GCNT2: variants seen among roughly 807,000 people sequenced by gnomAD.
GCNT2 encodes the protein N-acetyllactosaminide beta-1,6-N-acetylglucosaminyl-transferase.
A neutral mutation model predicts 34.2 loss-of-function variants in GCNT2; 34 were observed. That is an observed-to-expected ratio of 1.00 (90% CI 0.76 to 1.32). GCNT2 has a LOEUF of 1.32. Among genes scored for constraint, GCNT2 ranks in the 40% most tolerant of loss-of-function variants. GCNT2 has a pLI of 0.00. For missense variants in GCNT2, 584 were observed against 489.4 expected, an observed-to-expected ratio of 1.19 and a Z score of -1.82; for synonymous variants, 212 against 188.0, an observed-to-expected ratio of 1.13 and a Z score of -1.04.
At chr6:10,568,237 C>T (rs1014260961) in intron 3 of GCNT2, among the ~76,000 whole-genome samples, 2 of 151,998 alleles carry the variant, frequency 1.3e-5, no homozygotes, top group South Asian at 2.1e-4. Flanking sequence ...TATCTCTTCT[C>T]GAAGCTTCCA....
At chr6:10,621,572 A>C in intron 4 of GCNT2, 129 bp downstream of exon 4, 2 of 708,380 alleles carry the variant, frequency 2.8e-6, no homozygotes, top group South Asian at 3.0e-5. Context: ...GTTATTGGAG[A>C]AGCCAGAGGC....
intron 3 of GCNT2, among the ~76,000 whole-genome samples, chr6:10,583,328 G>A (rs1764203992): frequency 6.6e-6 from 1 of 152,114 alleles, no homozygotes; most frequent in Admixed American, 6.6e-5. Flanking sequence ...TGAATCAAAT[G>A]TTTTCCTAAC....
intron 3 of GCNT2, among the ~76,000 whole-genome samples, chr6:10,543,935 G>A (rs1561789019): frequency 6.6e-6 from 1 of 152,240 alleles, no homozygotes; most frequent in East Asian, 1.9e-4. Flanking sequence ...ATTGAATTAA[G>A]GACACACTAT....
intron 3 of GCNT2, chr6:10,581,751 G>A: frequency 1.0e-6 from 1 of 985,218 alleles, no homozygotes; most frequent in Non-Finnish European, 1.2e-6. Flanking sequence ...AAAACCGACT[G>A]AACCTGCAAT....
chr6:10,597,729 T>C (rs1429889361), intron 3 of GCNT2, among the ~76,000 whole-genome samples: 2 of 152,132 alleles, frequency 1.3e-5, no homozygotes, highest in Non-Finnish European at 2.9e-5. Context: ...CCCAGAGTGC[T>C]GGGATTATAG....
At chr6:10,561,399 C>T (rs112269135) in intron 3 of GCNT2, among the ~76,000 whole-genome samples, 1,946 of 152,286 alleles carry the variant, frequency 0.013, 45 homozygotes, top group African/African-American at 0.044. Context: ...CGACCTCAGC[C>T]GATATGCCCA....
intron 3 of GCNT2, among the ~76,000 whole-genome samples, chr6:10,576,033 C>A (rs1454419662): frequency 6.6e-6 from 1 of 152,198 alleles, no homozygotes; most frequent in East Asian, 1.9e-4. Flanking sequence ...GTTTGGTGGT[C>A]TCTTCACACG....
intron 3 of GCNT2, among the ~76,000 whole-genome samples, chr6:10,571,890 C>T (rs75915899): frequency 0.026 from 3,834 of 150,018 alleles, 177 homozygotes; most frequent in African/African-American, 0.092. Context: ...ATGATTTGCA[C>T]GCCTGCCCCC....
intron 3 of GCNT2, among the ~76,000 whole-genome samples, chr6:10,618,021 C>T (rs530425390): frequency 7.9e-5 from 12 of 152,272 alleles, no homozygotes; most frequent in African/African-American, 2.6e-4. Context: ...TCCCAAAGTG[C>T]TGGGATTACA....
At chr6:10,551,005 C>A (rs968181656) in intron 3 of GCNT2, among the ~76,000 whole-genome samples, 1 of 152,156 alleles carries the variant, frequency 6.6e-6, no homozygotes, top group Non-Finnish European at 1.5e-5. Flanking sequence ...AGTCACCCTC[C>A]CAGTGTTAAA....
intron 3 of GCNT2, among the ~76,000 whole-genome samples, chr6:10,555,120 G>T (rs1252706195): frequency 1.3e-5 from 2 of 152,184 alleles, no homozygotes; most frequent in African/African-American, 4.8e-5. Flanking sequence ...TCTGCATGGG[G>T]TGGGGTAGTG....
chr6:10,597,153 CTTTTTTT>C (rs33945698), intron 3 of GCNT2, among the ~76,000 whole-genome samples: 3 of 112,600 alleles, frequency 2.7e-5, no homozygotes, highest in Non-Finnish European at 5.3e-5. Context: ...TAGGAATTGC[CTTTTTTT>C]TTTTTTTTTT....
intron 3 of GCNT2, among the ~76,000 whole-genome samples, chr6:10,582,426 C>A (rs1581442186): frequency 3.4e-5 from 4 of 118,324 alleles, no homozygotes; most frequent in African/African-American, 6.8e-5. Context: ...TTATTATATA[C>A]TATAATTTAA....
intron 3 of GCNT2, among the ~76,000 whole-genome samples, chr6:10,557,687 C>T (rs1054342162): frequency 5.3e-5 from 8 of 152,022 alleles, no homozygotes; most frequent in Non-Finnish European, 1.2e-4. Context: ...GACAGGGTCT[C>T]GCTATGTTGC....
intron 3 of GCNT2, among the ~76,000 whole-genome samples, chr6:10,577,888 G>A (rs1040987887): frequency 6.9e-6 from 1 of 145,590 alleles, no homozygotes; most frequent in East Asian, 1.9e-4. Flanking sequence ...TTTGAACTTC[G>A]TGGTGGTAGG....
intron 3 of GCNT2, among the ~76,000 whole-genome samples, chr6:10,536,140 C>A (rs141346506): frequency 6.6e-6 from 1 of 152,210 alleles, no homozygotes; most frequent in East Asian, 1.9e-4. Context: ...TCAAGGTGGT[C>A]TTGGGAACTC....
Position 10,582,220 on chromosome 6 carries a change from A to ATAAAATTT in GCNT2, c.926-39131_926-39130insTAAAATTT, listed in dbSNP as rs1561816095. On this transcript the variant is annotated intron_variant, in intron 3 of 4. Transcript: ENST00000495262. ...AATATATAAAATTTATTATATATAT[A>ATAAAATTT]ATTATATATATTTAAATATATAAAA... 4.3e-3 allele frequency among the ~76,000 whole-genome samples: 540 copies of ATAAAATTT among 126,720 alleles called. 5 individuals carry two copies. Among genetic ancestry groups the ATAAAATTT allele is most frequent in the African/African-American group, 0.014 (464 of 33,596 alleles). The allele number at this position is 126,720 out of a possible 152,430, so 83.1% of individuals were successfully genotyped here. A position where few individuals can be genotyped will look rare whatever the true frequency, so the allele number is the denominator to read the frequency against.
At chr6:10,577,427 C>T (rs565208149) in intron 3 of GCNT2, among the ~76,000 whole-genome samples, 1 of 152,350 alleles carries the variant, frequency 6.6e-6, no homozygotes, top group South Asian at 2.1e-4. Flanking sequence ...TACCTCCTTC[C>T]TGATAGGTCA....
intron 3 of GCNT2, among the ~76,000 whole-genome samples, chr6:10,582,515 ATT>A (rs1764165057): frequency 8.2e-6 from 1 of 122,240 alleles, no homozygotes; most frequent in East Asian, 2.1e-4. Context: ...TACATCATAT[ATT>A]ATATTATACA....
Sources: allele counts gnomAD v4.1 joint callset (sites outside exome capture counted in the v4.1 genomes callset), GRCh38; gene constraint gnomAD v4.1.1; transcripts MANE v1.5; gene names NCBI Gene and HGNC (gene_info 2026-07-23, HGNC 2026-07-21).